PGM3: variants seen among roughly 807,000 people sequenced by gnomAD.
The protein encoded by PGM3 is phosphoglucomutase 3.
In PGM3, 40 loss-of-function variants were observed where a neutral mutation model predicts 66.2. The ratio of observed to expected loss-of-function variants is 0.60; its 90% CI spans 0.47 to 0.79. PGM3 has a LOEUF of 0.79. PGM3 is among the 30% of genes least tolerant of loss of function. The pLI, the probability that PGM3 is intolerant of heterozygous loss-of-function variation, is 0.00. For synonymous variants in PGM3, 191 were observed against 224.2 expected (o/e 0.85, Z 1.32); for missense variants, 537 against 643.4 (o/e 0.83, Z 1.79).
At chr6:83,190,558 G>A in intron 2 of PGM3, 4 of 479,158 alleles carry the variant, frequency 8.3e-6, no homozygotes, top group Middle Eastern at 1.1e-3. Context: ...AAATTTGGAA[G>A]GACATTGTTA....
At chr6:83,157,070 T>G (rs1782966905), downstream of PGM3, 1 of 1,051,212 alleles carries the variant, frequency 9.5e-7, no homozygotes, top group East Asian at 2.7e-5. Context: ...TTTGAATTTT[T>G]TTAAAGTTTA....
Position 83,169,093 on chromosome 6 carries a change from T to C in PGM3, c.*141A>G. 1 of 1,448,638 alleles carries C rather than the reference T, an allele frequency of 6.9e-7. No individual in the cohort carries two copies. Among genetic ancestry groups the C allele is most frequent in the Non-Finnish European group, 9.0e-7 (1 of 1,105,360 alleles). 89.7% of individuals were successfully genotyped at this position (1,448,638 alleles called of 1,614,324 possible). ...TATAAAGAATTATTCTGTTAGTGTT[T>C]AAGAAAAACAGATCTAGAGACAATC... On this transcript the variant is annotated 3_prime_UTR_variant, in exon 13 of 13. Coordinates refer to ENST00000513973, the MANE Select transcript of PGM3 (RefSeq NM_015599.3).
In PGM3 at chr6:83,167,908, C is replaced by T. The variant is rs762557941; in HGVS notation, c.*1326G>A. ...TCAGGGAGAACATTGGGTTGGGAGC[C>T]AGGGCACTTGCTGCTCACCATCTGC... On this transcript the variant is annotated 3_prime_UTR_variant, in exon 13 of 13. Transcript: ENST00000513973. 1 of 1,613,542 alleles carries T rather than the reference C, an allele frequency of 6.2e-7. No homozygotes were observed. The highest frequency in any genetic ancestry group is 1.7e-5 in the Admixed American group (1 of 59,968).
At chr6:83,186,678 TA>T (rs1452860832) in intron 4 of PGM3, among the ~76,000 whole-genome samples, 1 of 152,170 alleles carries the variant, frequency 6.6e-6, no homozygotes, top group Non-Finnish European at 1.5e-5. Flanking sequence ...ATAATATTGA[TA>T]AAAGCTCCCC....
At position 83,168,954 on chromosome 6, in the gene PGM3, C is replaced by A; in HGVS notation, c.*280G>T. 1 of 1,151,446 alleles carries A rather than the reference C, an allele frequency of 8.7e-7. No homozygotes were observed. Among genetic ancestry groups the A allele is most frequent in the Non-Finnish European group, 1.1e-6 (1 of 932,200 alleles). 71.3% of individuals were successfully genotyped at this position (1,151,446 alleles called of 1,614,324 possible). A position where few individuals can be genotyped will look rare whatever the true frequency, so the allele number is the denominator to read the frequency against. On this transcript the variant is annotated 3_prime_UTR_variant, in exon 13 of 13. Transcript: ENST00000513973. ...TCCAGTAGCCTGCATGAATTGTTCC[C>A]CACATAAAACTGTACAGTTAGTGAC... is the stretch of plus-strand genomic sequence containing the variant.
intron 10 of PGM3, among the ~76,000 whole-genome samples, chr6:83,173,928 AG>A (rs1562415127): frequency 6.6e-6 from 1 of 151,968 alleles, no homozygotes; most frequent in East Asian, 1.9e-4. Context: ...AGTAGAGACG[AG>A]GTTTCACCCT....
chr6:83,187,786 G>A (rs954878740), intron 3 of PGM3, among the ~76,000 whole-genome samples: 2 of 152,162 alleles, frequency 1.3e-5, no homozygotes, highest in South Asian at 2.1e-4. Context: ...CCTGGTGACA[G>A]AGCGAGACTC....
downstream of PGM3, chr6:83,164,667 A>C (rs751959659): frequency 1.3e-6 from 2 of 1,579,586 alleles, no homozygotes; most frequent in East Asian, 4.6e-5. Flanking sequence ...CAGGACAAGG[A>C]GGAGGACTTT....
chr6:83,181,644 G>A, intron 6 of PGM3, 92 bp downstream of exon 6: 1 of 851,014 alleles, frequency 1.2e-6, no homozygotes. Context: ...ATAGCTGCAA[G>A]ATTCTTAACT....
intron 9 of PGM3, among the ~76,000 whole-genome samples, chr6:83,174,703 C>G (rs1583265742): frequency 6.6e-6 from 1 of 152,148 alleles, no homozygotes; most frequent in African/African-American, 2.4e-5. Flanking sequence ...GATTATATAA[C>G]TGGTTATAAA....
chr6:83,160,981 A>G (rs1258520207), downstream of PGM3, among the ~76,000 whole-genome samples: 1 of 151,966 alleles, frequency 6.6e-6, no homozygotes, highest in East Asian at 1.9e-4. Context: ...AACCATATAT[A>G]TATATATATC....
rs548065692 is a variant in PGM3, at chr6:83,166,196, C to A, written c.*3038G>T. On this transcript the variant is annotated 3_prime_UTR_variant, in exon 13 of 13. Coordinates refer to ENST00000513973, the MANE Select transcript of PGM3 (RefSeq NM_015599.3). The stretch of plus-strand genomic sequence containing the variant: ...GGCACCCATTTATTGAGCTTTTTCA[C>A]CTTTTCAATTTGCTTCAAATGCCGA... The A allele has an allele frequency of 4.8e-4, 243 of 510,140 alleles. 4 individuals carry two copies. In the South Asian group the frequency reaches 9.1e-3, roughly 19 times the overall value. 31.6% of individuals were successfully genotyped at this position (510,140 alleles called of 1,614,324 possible).
intron 5 of PGM3, among the ~76,000 whole-genome samples, 199 bp downstream of exon 5, chr6:83,182,646 T>C (rs1325013410): frequency 1.3e-5 from 2 of 152,162 alleles, no homozygotes; most frequent in African/African-American, 4.8e-5. Flanking sequence ...TACTACATAA[T>C]TTGCCAAGTA....
In PGM3 at chr6:83,170,265, T is replaced by TAATA. The variant is rs779220215; in HGVS notation, c.1539+36_1539+39dup. 4.4e-6 allele frequency: 7 copies of TAATA among 1,590,376 alleles called. No homozygotes were observed. The Admixed American group carries it at 5.0e-5, about 11-fold the overall frequency. On this transcript the variant is annotated intron_variant, in intron 12 of 12. Transcript: ENST00000513973. ...TAAAATAGTTTGCCTGCCCATCACC[T>TAATA]AATATTAGGCTCTTTTTCAATAGAA... is the stretch of plus-strand genomic sequence containing the variant.
At chr6:83,185,776 TAAGTA>T (rs1719938405) in intron 4 of PGM3, among the ~76,000 whole-genome samples, 2 of 151,574 alleles carry the variant, frequency 1.3e-5, no homozygotes, top group Admixed American at 1.3e-4. Context: ...AATAAATAAA[TAAGTA>T]AATAAATAAA....
Position 83,166,469 on chromosome 6 carries a change from A to C in PGM3, c.*2765T>G. 1 of 699,942 alleles carries C rather than the reference A, an allele frequency of 1.4e-6. No individual in the cohort carries two copies. The highest frequency in any genetic ancestry group is 2.7e-5 in the East Asian group (1 of 37,238). The allele number at this position is 699,942 out of a possible 1,614,324, so 43.4% of individuals were successfully genotyped here. A position where few individuals can be genotyped will look rare whatever the true frequency, so the allele number is the denominator to read the frequency against. On this transcript the variant is annotated 3_prime_UTR_variant, in exon 13 of 13. Coordinates refer to ENST00000513973, the MANE Select transcript of PGM3 (RefSeq NM_015599.3). ...TGTTGTCTCTGCTGCTTTATAACCT[A>C]TTTTGAACTCAGAAAATCGCTAAAT...
At chr6:83,150,935 C>T in the PGM3 span, among the ~76,000 whole-genome samples, 13 of 152,074 alleles carry the variant, frequency 8.5e-5, no homozygotes, top group Non-Finnish European at 1.3e-4. Flanking sequence ...AAATAAAACA[C>T]CATGTGTCCC....
intron 1 of PGM3, among the ~76,000 whole-genome samples, chr6:83,192,778 G>C (rs1225447557): frequency 6.6e-6 from 1 of 151,860 alleles, no homozygotes; most frequent in Non-Finnish European, 1.5e-5. Flanking sequence ...CAATGCCTCT[G>C]CGAATGCCTT....
chr6:83,177,928 C>G (rs1787900582), intron 8 of PGM3, among the ~76,000 whole-genome samples: 1 of 152,116 alleles, frequency 6.6e-6, no homozygotes, highest in Admixed American at 6.6e-5. Flanking sequence ...TGACCACCCC[C>G]CACACACCCT....
Sources: allele counts gnomAD v4.1 joint callset (sites outside exome capture counted in the v4.1 genomes callset), GRCh38; gene constraint gnomAD v4.1.1; transcripts MANE v1.5; gene names NCBI Gene and HGNC (gene_info 2026-07-23, HGNC 2026-07-21).